SLC4A4: variants seen among roughly 807,000 people sequenced by gnomAD.
SLC4A4 encodes electrogenic sodium bicarbonate cotransporter 1.
Under a neutral mutation model 111.5 loss-of-function variants are expected in SLC4A4, and 27 were observed. The observed-to-expected ratio is 0.24, with a 90% CI of 0.18 to 0.33. The LOEUF (loss-of-function observed/expected upper bound fraction) is 0.33, where lower values mean the gene tolerates loss of function less well. Ranked by LOEUF, SLC4A4 falls within the 10% of genes least tolerant of loss-of-function variation. The pLI, the probability that SLC4A4 is intolerant of heterozygous loss-of-function variation, is 1.00. For synonymous variants in SLC4A4, 443 were observed against 463.4 expected (o/e 0.96, Z 0.57); for missense variants, 909 against 1,315.5 (o/e 0.69, Z 4.78).
chr4:71,224,472 G>GT (rs1314153058), intron 1 of SLC4A4, among the ~76,000 whole-genome samples: 8 of 151,940 alleles, frequency 5.3e-5, no homozygotes, highest in East Asian at 1.9e-4. Flanking sequence ...TAGCCATGTG[G>GT]TTTTTTTTGG....
At position 71,560,170 on chromosome 4, in the gene SLC4A4, C is replaced by T. The variant is rs1750941404; in HGVS notation, c.3015C>T (p.Val1005=). 1.2e-6 allele frequency: 2 copies of T among 1,610,734 alleles called. No homozygotes were observed. Among genetic ancestry groups the T allele is most frequent in the South Asian group, 2.2e-5 (2 of 90,998 alleles). The change falls in exon 23 of 26, where the codon GTC becomes GTT. Residue 1005 remains valine, a synonymous_variant. Transcript: ENST00000264485. ...SQHDLSFLDD[V]IPEKDKKKKE... is the part of the protein sequence containing the mutation. ...ACGACCTCAGCTTCCTGGATGATGTCATTCCAGAAAAGGACAAGAAAAAGA... is the reference window on the plus strand; with the variant it reads ...ACGACCTCAGCTTCCTGGATGATGTTATTCCAGAAAAGGACAAGAAAAAGA...
chr4:71,098,792 A>G (rs1376618808), intron 2 of SLC4A4, among the ~76,000 whole-genome samples: 1 of 152,174 alleles, frequency 6.6e-6, no homozygotes, highest in Non-Finnish European at 1.5e-5. Context: ...AATCAAAATC[A>G]GAAAAAAGCA....
At chr4:71,234,231 C>T (rs1349185431) in intron 1 of SLC4A4, among the ~76,000 whole-genome samples, 1 of 152,250 alleles carries the variant, frequency 6.6e-6, no homozygotes, top group Non-Finnish European at 1.5e-5. Flanking sequence ...TCTGAGATTA[C>T]CTTGTTCATC....
At chr4:71,345,935 G>A (rs918023768) in intron 4 of SLC4A4, among the ~76,000 whole-genome samples, 2 of 151,982 alleles carry the variant, frequency 1.3e-5, no homozygotes, top group African/African-American at 2.4e-5. Flanking sequence ...ACACACTAAC[G>A]TTGGCTTCTT....
chr4:71,189,780 CA>C (rs1229878008), intron 1 of SLC4A4, among the ~76,000 whole-genome samples: 1 of 152,160 alleles, frequency 6.6e-6, no homozygotes, highest in Non-Finnish European at 1.5e-5. Context: ...TGGCGAGATA[CA>C]TATCTGTTTC....
chr4:71,204,301 C>G (rs149338461), intron 1 of SLC4A4, among the ~76,000 whole-genome samples: 1 of 152,250 alleles, frequency 6.6e-6, no homozygotes. Context: ...CCCATGTGGG[C>G]GTAGAATAGC....
At chr4:71,098,295 T>C (rs1742618319) in intron 2 of SLC4A4, among the ~76,000 whole-genome samples, 1 of 152,232 alleles carries the variant, frequency 6.6e-6, no homozygotes, top group Admixed American at 6.5e-5. Flanking sequence ...CCTTTCCCCG[T>C]TGCTTGCTTT....
chr4:71,175,315 C>T (rs1417174661), intron 2 of SLC4A4, among the ~76,000 whole-genome samples: 1 of 152,208 alleles, frequency 6.6e-6, no homozygotes, highest in Non-Finnish European at 1.5e-5. Flanking sequence ...GTACGGGGTT[C>T]ATCTCACTGG....
At chr4:71,368,407 T>C (rs1189034729) in intron 6 of SLC4A4, among the ~76,000 whole-genome samples, 1 of 152,248 alleles carries the variant, frequency 6.6e-6, no homozygotes, top group Non-Finnish European at 1.5e-5. Flanking sequence ...AATTGGCTTA[T>C]ATTAAGGTAT....
chr4:71,174,584 T>C (rs772184270), intron 2 of SLC4A4, among the ~76,000 whole-genome samples: 1 of 152,082 alleles, frequency 6.6e-6, no homozygotes, highest in Non-Finnish European at 1.5e-5. Flanking sequence ...GTCAATCAAC[T>C]GGAAACCACA....
At chr4:71,075,404 TTCAA>T (rs1741782470) in intron 1 of SLC4A4, among the ~76,000 whole-genome samples, 1 of 152,216 alleles carries the variant, frequency 6.6e-6, no homozygotes, top group Non-Finnish European at 1.5e-5. Context: ...TGTCTCTCAT[TTCAA>T]TCAGAGAAAA....
At chr4:71,422,322 A>C (rs1312674296) in intron 7 of SLC4A4, among the ~76,000 whole-genome samples, 14 of 146,362 alleles carry the variant, frequency 9.6e-5, no homozygotes, top group Admixed American at 2.7e-4. Context: ...CAATAACAGG[A>C]TCTGAAATTG....
intron 13 of SLC4A4, among the ~76,000 whole-genome samples, chr4:71,467,042 G>A (rs1727435894): frequency 6.6e-6 from 1 of 151,542 alleles, no homozygotes; most frequent in East Asian, 2.0e-4. Flanking sequence ...TTCTGGCAGT[G>A]CTTATCCCCG....
At chr4:71,110,637 T>G (rs1743060147) in intron 2 of SLC4A4, among the ~76,000 whole-genome samples, 2 of 152,204 alleles carry the variant, frequency 1.3e-5, no homozygotes, top group African/African-American at 4.8e-5. Flanking sequence ...GCATATCTAA[T>G]GGTCAGAAAT....
chr4:71,477,175 C>T (rs1728448136), intron 14 of SLC4A4, among the ~76,000 whole-genome samples: 1 of 151,722 alleles, frequency 6.6e-6, no homozygotes, highest in Non-Finnish European at 1.5e-5. Context: ...TACTTAATCT[C>T]TTTGTTTGAT....
At chr4:71,445,032 A>T (rs77722202) in intron 8 of SLC4A4, among the ~76,000 whole-genome samples, 1 of 152,206 alleles carries the variant, frequency 6.6e-6, no homozygotes, top group East Asian at 1.9e-4. Context: ...AAAAAATAAA[A>T]ATTGCATTAC....
intron 12 of SLC4A4, among the ~76,000 whole-genome samples, chr4:71,458,561 G>A (rs995853079): frequency 1.3e-5 from 2 of 151,920 alleles, no homozygotes; most frequent in African/African-American, 4.8e-5. Flanking sequence ...GATATTTATG[G>A]AGCTTAACAG....
At chr4:71,366,218 T>C (rs55807527) in intron 6 of SLC4A4, among the ~76,000 whole-genome samples, 9,046 of 152,206 alleles carry the variant, frequency 0.059, 603 homozygotes, top group African/African-American at 0.15. Context: ...GAACATATGA[T>C]GTTGCAATCC....
chr4:71,148,578 G>A (rs191898360), intron 2 of SLC4A4, among the ~76,000 whole-genome samples: 40 of 152,152 alleles, frequency 2.6e-4, no homozygotes, highest in African/African-American at 9.6e-4. Flanking sequence ...GCTCCAGTGT[G>A]TGTTGCTTCC....
Sources: allele counts gnomAD v4.1 joint callset (sites outside exome capture counted in the v4.1 genomes callset), GRCh38; gene constraint gnomAD v4.1.1; transcripts MANE v1.5; gene names NCBI Gene and HGNC (gene_info 2026-07-23, HGNC 2026-07-21).